B3GALT1: variants seen among roughly 807,000 people sequenced by gnomAD.
B3GALT1 encodes beta-1,3-galactosyltransferase 1.
Under a neutral mutation model 23.2 loss-of-function variants are expected in B3GALT1, and 10 were observed. The observed-to-expected ratio is 0.43, with a 90% CI of 0.27 to 0.73. The LOEUF (loss-of-function observed/expected upper bound fraction) is 0.73. Ranked by LOEUF, B3GALT1 falls within the 30% of genes least tolerant of loss-of-function variation. B3GALT1 has a pLI of 0.21. For missense variants in B3GALT1, 299 were observed against 405.4 expected, an observed-to-expected ratio of 0.74 and a Z score of 2.25; for synonymous variants, 156 against 141.5, an observed-to-expected ratio of 1.10 and a Z score of -0.73.
chr2:167,635,669 C>T (rs1191344718), intron 2 of B3GALT1, among the ~76,000 whole-genome samples: 3 of 151,958 alleles, frequency 2.0e-5, no homozygotes, highest in African/African-American at 7.2e-5. Context: ...AGGAGAACTA[C>T]AAACCACTAC....
chr2:167,715,665 GCTTTTCA>G, intron 3 of B3GALT1: 1 of 1,613,504 alleles, frequency 6.2e-7, no homozygotes, highest in Non-Finnish European at 8.5e-7. Context: ...GACCTGTTCA[GCTTTTCA>G]CAGGTTGCCT....
intron 2 of B3GALT1, among the ~76,000 whole-genome samples, chr2:167,572,914 A>C (rs1211712330): frequency 6.6e-6 from 1 of 151,762 alleles, no homozygotes; most frequent in Non-Finnish European, 1.5e-5. Context: ...CTAAATTAGA[A>C]ATAATGAGAG....
chr2:167,868,328 A>G (rs1024010545), intron 4 of B3GALT1, among the ~76,000 whole-genome samples: 2 of 152,206 alleles, frequency 1.3e-5, no homozygotes, highest in Non-Finnish European at 2.9e-5. Context: ...CACATATTCA[A>G]ATAGAGAGTT....
chr2:167,413,530 T>G, intron 1 of B3GALT1, among the ~76,000 whole-genome samples: 1 of 152,028 alleles, frequency 6.6e-6, no homozygotes, highest in East Asian at 1.9e-4. Flanking sequence ...ATCCTATATA[T>G]TTTGAAGCTG....
intron 2 of B3GALT1, among the ~76,000 whole-genome samples, chr2:167,510,735 G>A (rs1574110293): frequency 6.6e-6 from 1 of 152,206 alleles, no homozygotes; most frequent in African/African-American, 2.4e-5. Context: ...AGCAATTCCC[G>A]TGGAGTAGAA....
chr2:167,715,448 A>G lies in B3GALT1; in HGVS notation c.-352+68482A>G, dbSNP rs2105522326. 5 of 1,607,554 alleles carry G rather than the reference A, an allele frequency of 3.1e-6. No homozygotes were observed. In the East Asian group the frequency reaches 6.7e-5, roughly 22 times the overall value. ...TTCACTCAAAGCATCTTTTATTGCT[A>G]TCGCCCGTCGTTCTTCAGTCATTGG... On this transcript the variant is annotated intron_variant, in intron 3 of 4. Transcript: ENST00000392690.
At chr2:167,426,152 G>T in intron 1 of B3GALT1, among the ~76,000 whole-genome samples, 1 of 152,198 alleles carries the variant, frequency 6.6e-6, no homozygotes, top group East Asian at 1.9e-4. Context: ...TTACCAGGAT[G>T]ATACATTGGA....
intron 1 of B3GALT1, among the ~76,000 whole-genome samples, chr2:167,323,792 A>C (rs1696847951): frequency 6.6e-6 from 1 of 150,890 alleles, no homozygotes; most frequent in South Asian, 2.1e-4. Context: ...TGTGTGTAAA[A>C]CACTTCTTAA....
At chr2:167,769,911 G>C (rs1688044140) in intron 3 of B3GALT1, among the ~76,000 whole-genome samples, 2 of 152,128 alleles carry the variant, frequency 1.3e-5, no homozygotes, top group South Asian at 4.2e-4. Flanking sequence ...AAATATGTAG[G>C]AGTAAAATGT....
chr2:167,835,234 C>A (rs926673074), intron 4 of B3GALT1, among the ~76,000 whole-genome samples: 2 of 152,268 alleles, frequency 1.3e-5, no homozygotes, highest in East Asian at 3.9e-4. Context: ...CGAGGCATTG[C>A]CTCACACAGG....
intron 2 of B3GALT1, among the ~76,000 whole-genome samples, chr2:167,611,871 C>T (rs1685073625): frequency 6.6e-6 from 1 of 151,922 alleles, no homozygotes; most frequent in South Asian, 2.1e-4. Context: ...AGAAATATTT[C>T]AGACATCCAG....
chr2:167,720,117 T>A (rs13417361), intron 3 of B3GALT1, among the ~76,000 whole-genome samples: 76,464 of 151,970 alleles, frequency 0.5, 19,774 homozygotes, highest in East Asian at 0.73. Context: ...TTTTACATAA[T>A]GGGCTTTCTC....
intron 3 of B3GALT1, among the ~76,000 whole-genome samples, chr2:167,657,800 A>T (rs1273085832): frequency 2.0e-5 from 3 of 152,158 alleles, no homozygotes; most frequent in African/African-American, 7.2e-5. Flanking sequence ...GGTCTATTTT[A>T]TAAGAATGTA....
At chr2:167,758,807 T>C (rs1018307879) in intron 3 of B3GALT1, among the ~76,000 whole-genome samples, 5 of 152,336 alleles carry the variant, frequency 3.3e-5, no homozygotes, top group African/African-American at 1.2e-4. Context: ...CTGGCTGGTC[T>C]ACAGATGGTC....
chr2:167,752,041 G>A (rs147927754), intron 3 of B3GALT1, among the ~76,000 whole-genome samples: 15 of 152,198 alleles, frequency 9.9e-5, no homozygotes, highest in African/African-American at 3.6e-4. Context: ...ATTGTTCCAG[G>A]AGAGTCTTAG....
intron 2 of B3GALT1, among the ~76,000 whole-genome samples, chr2:167,569,466 G>C (rs189409029): frequency 3.4e-4 from 52 of 151,838 alleles, no homozygotes; most frequent in Admixed American, 1.6e-3. Flanking sequence ...TAATTTAACT[G>C]GTATTGTGTT....
chr2:167,473,541 A>G (rs1699447953), intron 1 of B3GALT1, among the ~76,000 whole-genome samples: 1 of 152,174 alleles, frequency 6.6e-6, no homozygotes, highest in South Asian at 2.1e-4. Context: ...GAAAAAAGAA[A>G]TAACTCATAT....
chr2:167,643,341 T>C (rs1238280021), intron 2 of B3GALT1, among the ~76,000 whole-genome samples: 1 of 152,212 alleles, frequency 6.6e-6, no homozygotes, highest in Non-Finnish European at 1.5e-5. Context: ...TAATACATTT[T>C]GGGATTGGAT....
At chr2:167,563,968 C>G (rs1246676768) in intron 2 of B3GALT1, among the ~76,000 whole-genome samples, 3 of 139,876 alleles carry the variant, frequency 2.1e-5, no homozygotes, top group Non-Finnish European at 4.7e-5. Flanking sequence ...CCCCCACCTC[C>G]CTTCCGGACG....
Sources: allele counts gnomAD v4.1 joint callset (sites outside exome capture counted in the v4.1 genomes callset), GRCh38; gene constraint gnomAD v4.1.1; transcripts MANE v1.5; gene names NCBI Gene and HGNC (gene_info 2026-07-23, HGNC 2026-07-21).